SERPINI2: variants seen among roughly 807,000 people sequenced by gnomAD.
SERPINI2 encodes the protein serpin family I member 2.
A neutral mutation model predicts 47.3 loss-of-function variants in SERPINI2; 48 were observed. The observed-to-expected ratio is 1.02, with a 90% CI of 0.81 to 1.29. SERPINI2 has a LOEUF of 1.29. Ranked by LOEUF, SERPINI2 falls within the 50% of genes most tolerant of loss-of-function variation. The pLI is 0.00. For synonymous variants in SERPINI2, 135 were observed against 149.3 expected, an observed-to-expected ratio of 0.90 and a Z score of 0.70; for missense variants, 448 against 456.9, an observed-to-expected ratio of 0.98 and a Z score of 0.18.
chr3:167,473,869 T>C (rs1459201839), intron 1 of SERPINI2, 134 bp downstream of exon 1: 3 of 1,212,046 alleles, frequency 2.5e-6, no homozygotes, highest in Middle Eastern at 2.6e-4. Context: ...AAAAGCGATA[T>C]GTTAATTAAA....
chr3:167,466,181 G>C (rs1427723902), intron 3 of SERPINI2, among the ~76,000 whole-genome samples: 1 of 152,132 alleles, frequency 6.6e-6, no homozygotes, highest in Non-Finnish European at 1.5e-5. Context: ...TCTATGTCCA[G>C]TGAGTTTTTC....
chr3:167,471,656 T>C (rs1290318894), exon 2 of SERPINI2: 5 of 1,613,552 alleles, frequency 3.1e-6, no homozygotes, highest in Non-Finnish European at 4.2e-6. Flanking sequence ...GGCTCCCAGT[T>C]GTACCATCTC....
At chr3:167,463,723 T>C (rs2108167210) in intron 5 of SERPINI2, among the ~76,000 whole-genome samples, 1 of 152,256 alleles carries the variant, frequency 6.6e-6, no homozygotes, top group South Asian at 2.1e-4. Flanking sequence ...AATTTTGAGG[T>C]GATTTCTATA....
intron 1 of SERPINI2, chr3:167,473,626 A>T (rs1298762956): frequency 6.7e-6 from 3 of 449,548 alleles, no homozygotes; most frequent in African/African-American, 6.1e-5. Context: ...TAATAATCTT[A>T]ATAATTAAAT....
intron 1 of SERPINI2, chr3:167,473,772 A>G (rs1750406044): frequency 6.8e-7 from 1 of 1,476,616 alleles, no homozygotes; most frequent in Non-Finnish European, 9.0e-7. Context: ...ATCAGAAAGC[A>G]CAAAGTAATG....
chr3:167,461,614 C>CT (rs11458536), intron 5 of SERPINI2, among the ~76,000 whole-genome samples: 329 of 139,172 alleles, frequency 2.4e-3, no homozygotes, highest in East Asian at 0.011. Context: ...GCTATAGATG[C>CT]TTTTTTTTTT....
chr3:167,451,186 C>T (rs1225943665), intron 6 of SERPINI2, among the ~76,000 whole-genome samples: 1 of 150,444 alleles, frequency 6.6e-6, no homozygotes, highest in African/African-American at 2.4e-5. Context: ...TCCCCAGTCA[C>T]TATATTATCT....
At chr3:167,444,158 T>C (rs1409472666) in intron 8 of SERPINI2, among the ~76,000 whole-genome samples, 3 of 152,178 alleles carry the variant, frequency 2.0e-5, no homozygotes, top group Non-Finnish European at 2.9e-5. Flanking sequence ...GTCCTGTCAA[T>C]TTCAAAATCA....
At chr3:167,449,441 TAAAATC>T (rs1560230428) in intron 6 of SERPINI2, 39 bp from the exon 7 acceptor site, 1 of 1,314,168 alleles carries the variant, frequency 7.6e-7, no homozygotes, top group Admixed American at 1.9e-5. Context: ...ATTTAAGAGT[TAAAATC>T]AAAAGCCGTT....
At chr3:167,452,828 C>G in intron 6 of SERPINI2, 108 bp downstream of exon 6, 3 of 611,942 alleles carry the variant, frequency 4.9e-6, no homozygotes, top group Non-Finnish European at 8.6e-6. Context: ...ATTCACTGTG[C>G]GTATATTTAT....
At chr3:167,451,822 A>T (rs1276878430) in intron 6 of SERPINI2, among the ~76,000 whole-genome samples, 2 of 152,176 alleles carry the variant, frequency 1.3e-5, no homozygotes, top group African/African-American at 2.4e-5. Context: ...TGCATGAAAA[A>T]TAGTTTGGAT....
intron 8 of SERPINI2, among the ~76,000 whole-genome samples, chr3:167,445,919 C>G (rs1303524945): frequency 1.3e-5 from 2 of 152,176 alleles, no homozygotes; most frequent in Non-Finnish European, 2.9e-5. Flanking sequence ...TGACTCCTTC[C>G]TATCCCTCAG....
At chr3:167,446,262 T>C in intron 8 of SERPINI2, 130 bp downstream of exon 8, 1 of 529,066 alleles carries the variant, frequency 1.9e-6, no homozygotes, top group South Asian at 2.5e-5. Flanking sequence ...CAATTCCTGG[T>C]ATATAAAATG....
chr3:167,458,400 G>A (rs1159776991), intron 5 of SERPINI2, among the ~76,000 whole-genome samples: 2 of 149,788 alleles, frequency 1.3e-5, no homozygotes, highest in African/African-American at 4.9e-5. Context: ...ACAGGCGCCT[G>A]CCACCACGCC....
At chr3:167,468,273 G>A (rs1290500134) in intron 2 of SERPINI2, among the ~76,000 whole-genome samples, 1 of 151,934 alleles carries the variant, frequency 6.6e-6, no homozygotes, top group Non-Finnish European at 1.5e-5. Context: ...TTACTAAGAG[G>A]GACTTACTAC....
chr3:167,463,975 T>C (rs1452202329), intron 5 of SERPINI2, among the ~76,000 whole-genome samples: 4 of 150,928 alleles, frequency 2.7e-5, no homozygotes, highest in African/African-American at 9.8e-5. Context: ...AATCAACAGT[T>C]GCAGTAGTTG....
At chr3:167,475,009 C>T (rs1211950831), upstream of SERPINI2, among the ~76,000 whole-genome samples, 1 of 151,408 alleles carries the variant, frequency 6.6e-6, no homozygotes, top group Non-Finnish European at 1.5e-5. Context: ...GTCAGAGGAC[C>T]CTGTTAACAT....
upstream of SERPINI2, among the ~76,000 whole-genome samples, chr3:167,474,732 T>C (rs1241155720): frequency 6.6e-6 from 1 of 151,776 alleles, no homozygotes; most frequent in Non-Finnish European, 1.5e-5. Flanking sequence ...TACATGATTT[T>C]CTTTGCAAAA....
At chr3:167,467,801 G>A (rs1462239684) in intron 2 of SERPINI2, among the ~76,000 whole-genome samples, 1 of 152,058 alleles carries the variant, frequency 6.6e-6, no homozygotes, top group African/African-American at 2.4e-5. Flanking sequence ...GGCAACCTCT[G>A]TAATCATCTC....
Sources: allele counts gnomAD v4.1 joint callset (sites outside exome capture counted in the v4.1 genomes callset), GRCh38; gene constraint gnomAD v4.1.1; transcripts MANE v1.5; gene names NCBI Gene and HGNC (gene_info 2026-07-23, HGNC 2026-07-21).